LATS2: variants seen among roughly 807,000 people sequenced by gnomAD.
LATS2 encodes the protein large tumor suppressor kinase 2.
Under a neutral mutation model 76.0 loss-of-function variants are expected in LATS2, and 24 were observed. That is an observed-to-expected ratio of 0.32 (90% CI 0.23 to 0.44). The LOEUF (loss-of-function observed/expected upper bound fraction) is 0.44. Among genes scored for constraint, LATS2 ranks in the 20% least tolerant of loss-of-function variants. The pLI is 1.00. For missense variants in LATS2, 1,286 were observed against 1,481.2 expected (o/e 0.87, Z 2.16); for synonymous variants, 692 against 635.4 (o/e 1.09, Z -1.34).
intron 6 of LATS2, 120 bp from the exon 7 acceptor site, chr13:20,979,917 A>G (rs963537077): frequency 4.1e-5 from 25 of 605,152 alleles, no homozygotes; most frequent in Non-Finnish European, 7.4e-5. Flanking sequence ...GAAGCATCGC[A>G]CTGTGCGCAA....
In LATS2 at chr13:20,989,089, G is replaced by A; in HGVS notation, c.691C>T (p.Pro231Ser). The stretch of plus-strand genomic sequence containing the variant: ...ACGCTGGCACCGTAGCCCTTGGGTG[G>A]GTGCTGGTGCTGGTGGCCGGGCCCG... ...PHGPGHQHQH[P>S]PKGYGASVEA... Residue 231 changes from proline to serine, a missense_variant, in exon 4 of 8, where the codon CCA becomes TCA. Around this residue, in one of 5 missense-constraint regions of LATS2, gnomAD observed 710 missense variants for 660.9 expected, o/e 1.07. Coordinates refer to ENST00000382592, the MANE Select transcript of LATS2 (RefSeq NM_014572.3). The A allele has an allele frequency of 1.3e-6, 2 of 1,597,358 alleles. No homozygotes were observed. Among genetic ancestry groups the A allele is most frequent in the Non-Finnish European group, 1.7e-6 (2 of 1,173,934 alleles).
In LATS2 at chr13:20,981,526, G is replaced by A. The variant is rs1869883008; in HGVS notation, c.2605C>T (p.Leu869=). Residue 869 remains leucine (L), a synonymous_variant, in exon 6 of 8, where the codon CTG becomes TTG. Transcript: ENST00000382592. ...QRARKQHQRC[L]AHSLVGTPNY... ...GGAGTCCCCACCAGTGAATGTGCCA[G>A]GCACCTCTGGTGCTGCTTCCGCGCC... The A allele has an allele frequency of 2.5e-6, 4 of 1,614,146 alleles. No homozygotes were observed. Among genetic ancestry groups the A allele is most frequent in the Non-Finnish European group, 3.4e-6 (4 of 1,180,030 alleles).
chr13:21,028,343 G>C (rs1286001828), intron 2 of LATS2, among the ~76,000 whole-genome samples: 5 of 152,010 alleles, frequency 3.3e-5, no homozygotes, highest in African/African-American at 4.8e-5. Flanking sequence ...TGGACATTTG[G>C]GTTGGTTCCA....
chr13:20,991,495 G>A lies in LATS2; in HGVS notation c.343-91C>T. ...TCCCCACTCCGTGCTGGACTGTGCT[G>A]GGACACTTCGCCTCTGTACTGCTGA... is the stretch of plus-strand genomic sequence containing the variant. On this transcript the variant is annotated intron_variant, in intron 2 of 7. Coordinates refer to ENST00000382592, the MANE Select transcript of LATS2 (RefSeq NM_014572.3). This position sits in a 1 kb window ranked among gnomAD's most constrained non-coding sequence, Gnocchi z 4.9. The A allele has an allele frequency of 1.4e-6, 2 of 1,455,386 alleles. 1 individual carries two copies. The highest frequency in any genetic ancestry group is 1.9e-6 in the Non-Finnish European group (2 of 1,053,528). 90.2% of individuals were successfully genotyped at this position (1,455,386 alleles called of 1,614,324 possible). A position where few individuals can be genotyped will look rare whatever the true frequency, so the allele number is the denominator to read the frequency against.
chr13:21,036,185 C>T (rs1872679145), intron 2 of LATS2, among the ~76,000 whole-genome samples: 2 of 151,872 alleles, frequency 1.3e-5, no homozygotes, highest in African/African-American at 2.4e-5. Flanking sequence ...CGTGAGCCAC[C>T]GCACCTGGCT....
chr13:21,037,808 G>C (rs1256914484), intron 2 of LATS2, among the ~76,000 whole-genome samples: 2 of 145,608 alleles, frequency 1.4e-5, no homozygotes, highest in South Asian at 2.1e-4. Flanking sequence ...GCAGGGCCAG[G>C]GTGGTCAGGA....
chr13:20,974,730 A>G lies in LATS2; in HGVS notation c.*140T>C. 1.1e-6 allele frequency: 1 copy of G among 890,318 alleles called. No individual in the cohort carries two copies. Among genetic ancestry groups the G allele is most frequent in the Non-Finnish European group, 1.7e-6 (1 of 600,840 alleles). The allele number at this position is 890,318 out of a possible 1,614,324, so 55.2% of individuals were successfully genotyped here. On this transcript the variant is annotated 3_prime_UTR_variant, in exon 8 of 8. Coordinates refer to ENST00000382592, the MANE Select transcript of LATS2 (RefSeq NM_014572.3). ...GTGTCCTGTTTGGGTTTTCTTGGTG[A>G]AGAGCAGAATTTCAAGTGAAGTAAT...
At chr13:21,043,673 T>C (rs1595254202) in intron 2 of LATS2, among the ~76,000 whole-genome samples, 1 of 152,252 alleles carries the variant, frequency 6.6e-6, no homozygotes, top group South Asian at 2.1e-4. Context: ...ATCGGTGTCA[T>C]GATCCTTACT....
intron 2 of LATS2, among the ~76,000 whole-genome samples, chr13:21,003,296 C>G (rs943872662): frequency 6.6e-6 from 1 of 151,978 alleles, no homozygotes; most frequent in African/African-American, 2.4e-5. Flanking sequence ...GCTCAGAGTT[C>G]GGGCTGGAGT....
chr13:21,002,474 A>C (rs1871095347), intron 2 of LATS2, among the ~76,000 whole-genome samples: 1 of 151,248 alleles, frequency 6.6e-6, no homozygotes, highest in Non-Finnish European at 1.5e-5. Context: ...TCCCAGGCTC[A>C]GGTGATTCTC....
intron 2 of LATS2, among the ~76,000 whole-genome samples, chr13:21,016,803 C>T (rs1871816412): frequency 6.6e-6 from 1 of 152,118 alleles, no homozygotes; most frequent in Non-Finnish European, 1.5e-5. Context: ...CATCAGAAAA[C>T]CTCTCACTAA....
At chr13:20,998,600 C>T (rs1487440010) in intron 2 of LATS2, among the ~76,000 whole-genome samples, 1 of 152,214 alleles carries the variant, frequency 6.6e-6, no homozygotes, top group African/African-American at 2.4e-5. Flanking sequence ...GTTCCAACCC[C>T]ACCCCCACGG....
chr13:20,974,808 G>A lies in LATS2; in HGVS notation c.*62C>T. The A allele has an allele frequency of 2.6e-6, 4 of 1,529,740 alleles. No homozygotes were observed. Among genetic ancestry groups the A allele is most frequent in the Non-Finnish European group, 3.5e-6 (4 of 1,139,616 alleles). 94.8% of individuals were successfully genotyped at this position (1,529,740 alleles called of 1,614,324 possible). A position where few individuals can be genotyped will look rare whatever the true frequency, so the allele number is the denominator to read the frequency against. On this transcript the variant is annotated 3_prime_UTR_variant, in exon 8 of 8. Transcript: ENST00000382592. The stretch of plus-strand genomic sequence containing the variant: ...CCTCGGCTTCCCTATTGGCCTGTGA[G>A]GGCACCGGCTCCGGGACCCTGACCT...
chr13:20,982,389 G>GC (rs1440313223), intron 5 of LATS2, among the ~76,000 whole-genome samples: 1 of 152,174 alleles, frequency 6.6e-6, no homozygotes, highest in Non-Finnish European at 1.5e-5. Context: ...TCAGCTCACC[G>GC]CAACCTCTGC....
intron 7 of LATS2, among the ~76,000 whole-genome samples, chr13:20,979,376 G>A (rs183588306): frequency 1.3e-5 from 2 of 152,072 alleles, no homozygotes; most frequent in South Asian, 2.1e-4. Flanking sequence ...GGGTGGGGGA[G>A]ACAGTGGATC....
intron 2 of LATS2, among the ~76,000 whole-genome samples, chr13:21,001,785 A>C (rs927276628): frequency 2.6e-5 from 4 of 152,152 alleles, no homozygotes; most frequent in African/African-American, 9.6e-5. Flanking sequence ...AGGCTAAGGC[A>C]GAAGAATTGC....
At chr13:21,032,334 T>G (rs759721927) in intron 2 of LATS2, among the ~76,000 whole-genome samples, 1 of 152,184 alleles carries the variant, frequency 6.6e-6, no homozygotes, top group Non-Finnish European at 1.5e-5. Flanking sequence ...GGCGCGATCT[T>G]GGCTCACTGC....
chr13:21,015,662 C>A (rs1208121075), intron 2 of LATS2, among the ~76,000 whole-genome samples: 4 of 152,104 alleles, frequency 2.6e-5, no homozygotes, highest in Non-Finnish European at 5.9e-5. Flanking sequence ...TTGCAAAAAG[C>A]TCCATTTACC....
Position 20,983,774 on chromosome 13 carries a change from C to A in LATS2, c.1932G>T (p.Met644Ile). ...AGLCEAEQEQ[M>I]RKILYQKESN... The stretch of plus-strand genomic sequence containing the variant: ...ACTCTTTCTGGTAGAGGATCTTCCG[C>A]ATCTGCTCCTGCTCAGCTTCACAGA... Residue 644 changes from methionine to isoleucine, a missense_variant, in exon 5 of 8, where the codon ATG (methionine) becomes ATT (isoleucine). Met to Ile is a conservative substitution (Grantham distance 10). Coordinates refer to ENST00000382592, the MANE Select transcript of LATS2 (RefSeq NM_014572.3). 6.2e-7 allele frequency: 1 copy of A among 1,613,172 alleles called. No homozygotes were observed. The highest frequency in any genetic ancestry group is 8.5e-7 in the Non-Finnish European group (1 of 1,179,878).
Sources: allele counts gnomAD v4.1 joint callset (sites outside exome capture counted in the v4.1 genomes callset), GRCh38; gene constraint gnomAD v4.1.1; regional missense constraint gnomAD v4.1.1; non-coding constraint Gnocchi (gnomAD v3.1); transcripts MANE v1.5; gene names NCBI Gene and HGNC (gene_info 2026-07-23, HGNC 2026-07-21).